Variants in PLEKHG4 observed in about 807,000 individuals in gnomAD.
PLEKHG4 encodes puratrophin-1.
PLEKHG4 carries 85 observed loss-of-function variants against 136.9 expected under a neutral mutation model. The observed-to-expected ratio is 0.62, with a 90% CI of 0.52 to 0.74. The LOEUF is 0.74. Among genes scored for constraint, PLEKHG4 ranks in the 30% least tolerant of loss-of-function variants. PLEKHG4 has a pLI of 0.00. For missense variants in PLEKHG4, 1,317 were observed against 1,527.8 expected, an observed-to-expected ratio of 0.86 and a Z score of 2.30; for synonymous variants, 577 against 646.9, an observed-to-expected ratio of 0.89 and a Z score of 1.64.
intron 11 of PLEKHG4, among the ~76,000 whole-genome samples, chr16:67,283,403 G>C (rs1182712433): frequency 6.6e-6 from 1 of 152,218 alleles, no homozygotes; most frequent in Non-Finnish European, 1.5e-5. Context: ...CATGTAATCA[G>C]ATCCATATTC....
rs1476877479 is a variant in PLEKHG4 at position 67,284,784 on chromosome 16, G to A, written c.1764G>A (p.Leu588=). The A allele has an allele frequency of 6.2e-7, 1 of 1,613,542 alleles. No homozygotes were observed. Among genetic ancestry groups the A allele is most frequent in the Non-Finnish European group, 8.5e-7 (1 of 1,179,716 alleles). The change falls in exon 13 of 22, where the codon TTG becomes TTA. Residue 588 remains leucine (L), a synonymous_variant. Transcript: ENST00000379344. The surrounding 1 kb of genome is among the most constrained non-coding windows in gnomAD (Gnocchi z 4.4). ...AGCAGGAACGCCCGGGGGTTGTGTTGCAGCAGCTGCAGCTGCACTGGACCA... is the reference window on the plus strand; with the variant it reads ...AGCAGGAACGCCCGGGGGTTGTGTTACAGCAGCTGCAGCTGCACTGGACCA... ...ELEQERPGVV[L]QQLQLHWTRH... is the part of the protein sequence containing the mutation.
Position 67,288,395 on chromosome 16 carries a change from C to T in PLEKHG4, c.3449C>T (p.Ser1150Phe), listed in dbSNP as rs1403482394. 1.9e-6 allele frequency: 3 copies of T among 1,612,138 alleles called. No homozygotes were observed. The highest frequency in any genetic ancestry group is 2.7e-5 in the African/African-American group (2 of 74,916). Residue 1150 changes from serine (S) to phenylalanine (F), a missense_variant, in exon 20 of 22, where the codon TCT becomes TTT. Coordinates refer to ENST00000379344, the MANE Select transcript of PLEKHG4 (RefSeq NM_001129729.3). ...GAGGCAGAGCTGGGCGGCCAGCCCT[C>T]TTTGAGTATGTCTGGGCCTAGCCAG... ...EAEAELGGQP[S>F]LTAEDSEISS...
chr16:67,284,547 A>T lies in PLEKHG4; in HGVS notation c.1692+90A>T. On this transcript the variant is annotated intron_variant, in intron 12 of 21. Transcript: ENST00000379344. This position sits in a 1 kb window ranked among gnomAD's most constrained non-coding sequence, Gnocchi z 4.4. ...AGCAGAGCCTGAGCTTTTCTTGGTC[A>T]TGCTGCCTGTTCTCTTCCCTGGTCT... 2.0e-6 allele frequency: 3 copies of T among 1,505,070 alleles called. No individual in the cohort carries two copies. The highest frequency in any genetic ancestry group is 2.8e-6 in the Non-Finnish European group (3 of 1,090,442). The allele number at this position is 1,505,070 out of a possible 1,614,324, so 93.2% of individuals were successfully genotyped here.
chr16:67,286,800 C>G lies in PLEKHG4; in HGVS notation c.2806C>G (p.Arg936Gly). ...QLVRQDEFVVRTGRHKSVRRI... is the reference protein window; with the variant it reads ...QLVRQDEFVVGTGRHKSVRRI... ...GGTGCGACAGGATGAGTTTGTGGTGCGCACTGGGCGCCACAAGTCCGTGCG... is the reference window on the plus strand; with the variant it reads ...GGTGCGACAGGATGAGTTTGTGGTGGGCACTGGGCGCCACAAGTCCGTGCG... Residue 936 changes from arginine to glycine, a missense_variant, in exon 17 of 22, where the codon CGC becomes GGC. By Grantham distance (125) the Arg-to-Gly change is moderately radical (BLOSUM62 -2). Coordinates refer to ENST00000379344, the MANE Select transcript of PLEKHG4 (RefSeq NM_001129729.3). 6.2e-7 allele frequency: 1 copy of G among 1,613,928 alleles called. No individual in the cohort carries two copies.
At chr16:67,279,131 T>C (rs894721961), upstream of PLEKHG4, 1 of 152,068 alleles carries the variant, frequency 6.6e-6, no homozygotes. Context: ...CGTCCCGCGG[T>C]GCCCCCCGCG....
chr16:67,279,252 C>A, upstream of PLEKHG4: 1 of 152,414 alleles, frequency 6.6e-6, no homozygotes, highest in South Asian at 2.0e-4. Flanking sequence ...GTCGCTGCCC[C>A]AACCCACGCA....
intron 19 of PLEKHG4, 28 bp from the exon 20 acceptor site, chr16:67,288,139 T>G: frequency 1.3e-6 from 2 of 1,598,308 alleles, no homozygotes; most frequent in Non-Finnish European, 1.7e-6. Context: ...CTCTGGCCTG[T>G]CCCAACCTGA....
chr16:67,282,707 G>A (rs761422015), intron 10 of PLEKHG4, 35 bp from the exon 11 acceptor site: 13 of 1,613,230 alleles, frequency 8.1e-6, no homozygotes, highest in Non-Finnish European at 1.1e-5. Flanking sequence ...GTCCATAGCA[G>A]CTCTCTTCAC....
chr16:67,282,918 T>A, intron 11 of PLEKHG4, 60 bp downstream of exon 11: 1 of 1,172,502 alleles, frequency 8.5e-7, no homozygotes, highest in Non-Finnish European at 1.3e-6. Context: ...GAACTAGGAA[T>A]GCAGAACTGT....
At chr16:67,279,298 G>A (rs1370401433), upstream of PLEKHG4, 13 of 152,472 alleles carry the variant, frequency 8.5e-5, 1 homozygote, top group South Asian at 2.2e-3. Context: ...GGTCTGCGGG[G>A]CCCGGGGGTG....
chr16:67,278,276 G>C (rs988288279), upstream of PLEKHG4: 1 of 152,374 alleles, frequency 6.6e-6, no homozygotes, highest in Non-Finnish European at 1.5e-5. Context: ...AAGGCTCCTC[G>C]GTAGCTGCCT....
At position 67,281,089 on chromosome 16, in the gene PLEKHG4, AG is replaced by A; in HGVS notation, c.720del. 1 of 1,614,066 alleles carries A rather than the reference AG, an allele frequency of 6.2e-7. No homozygotes were observed. The highest frequency in any genetic ancestry group is 1.3e-5 in the African/African-American group (1 of 75,034). ...GTACTGAACTGAAGCTCACCCCTTTAGGCCCGAAGTACAGGCACTGGGACTG... is the reference window on the plus strand; with the variant it reads ...GTACTGAACTGAAGCTCACCCCTTTAGCCCGAAGTACAGGCACTGGGACTG... On this transcript the variant is annotated splice_acceptor_variant, in intron 4 of 21. Coordinates refer to ENST00000379344, the MANE Select transcript of PLEKHG4 (RefSeq NM_001129729.3). LOFTEE classifies it high-confidence loss of function.
intron 18 of PLEKHG4, 86 bp from the exon 19 acceptor site, chr16:67,287,812 C>T: frequency 3.5e-6 from 3 of 868,952 alleles, no homozygotes; most frequent in Admixed American, 1.7e-5. Flanking sequence ...TGGAGGTGTA[C>T]AGGAAAGACT....
Position 67,287,713 on chromosome 16 carries a change from G to T in PLEKHG4, c.3104-185G>T. ...CAGCCAGGGGCCTCATCTTTAAAAG[G>T]GGAATATGGCACCTGCCCCACAGGA... On this transcript the variant is annotated intron_variant, in intron 18 of 21. Transcript: ENST00000379344. 4 of 661,726 alleles carry T rather than the reference G, an allele frequency of 6.0e-6. No individual in the cohort carries two copies. In the South Asian group the frequency reaches 6.7e-5, roughly 11 times the overall value. The allele number at this position is 661,726 out of a possible 1,614,324, so 41.0% of individuals were successfully genotyped here. A position where few individuals can be genotyped will look rare whatever the true frequency, so the allele number is the denominator to read the frequency against.
chr16:67,281,908 GC>G, intron 7 of PLEKHG4, 71 bp downstream of exon 7: 1 of 1,544,430 alleles, frequency 6.5e-7, no homozygotes, highest in Middle Eastern at 1.8e-4. Context: ...CCTCTCTGGG[GC>G]TGGCTTGAAC....
intron 5 of PLEKHG4, 80 bp from the exon 6 acceptor site, chr16:67,281,487 G>C: frequency 8.2e-7 from 1 of 1,221,800 alleles, no homozygotes; most frequent in African/African-American, 1.5e-5. Flanking sequence ...TCGCCTCCCA[G>C]AGTGCCGCAA....
In PLEKHG4 at chr16:67,285,391, A is replaced by C; in HGVS notation, c.2297A>C (p.Asp766Ala). ...TATTTCCCCGAGCTGGATCGCCCCG[A>C]TGTGCCCCAGGGCCTCCGCGGTCAG... ...ENYFPELDRP[D>A]VPQGLRGQRA... Residue 766 changes from aspartate (D) to alanine (A), a missense_variant, in exon 14 of 22, where the codon GAT becomes GCT. Asp to Ala is a moderately radical substitution (Grantham distance 126). Transcript: ENST00000379344. The C allele has an allele frequency of 6.2e-7, 1 of 1,614,196 alleles. No individual in the cohort carries two copies. The highest frequency in any genetic ancestry group is 1.7e-5 in the Admixed American group (1 of 60,020).
rs1254381158 is a variant in PLEKHG4 at position 67,289,158 on chromosome 16, C to T, written c.*350C>T. The stretch of plus-strand genomic sequence containing the variant: ...GTGCCTCTAGGCAGTGACTAGGGTG[C>T]CCCCACCCCTCAGGAAGAACACAGG... On this transcript the variant is annotated 3_prime_UTR_variant, in exon 22 of 22. Transcript: ENST00000379344. The T allele has an allele frequency of 4.3e-6, 2 of 469,634 alleles. No homozygotes were observed. The highest frequency in any genetic ancestry group is 7.8e-6 in the Non-Finnish European group (2 of 256,272). 29.1% of individuals were successfully genotyped at this position (469,634 alleles called of 1,614,324 possible).
Position 67,289,056 on chromosome 16 carries a change from C to G in PLEKHG4, c.*248C>G. 2 of 615,410 alleles carry G rather than the reference C, an allele frequency of 3.2e-6. No homozygotes were observed. Among genetic ancestry groups the G allele is most frequent in the Non-Finnish European group, 5.9e-6 (2 of 340,146 alleles). 38.1% of individuals were successfully genotyped at this position (615,410 alleles called of 1,614,324 possible). ...ATGACCCCTTCTCCTGTCCCCAGCT[C>G]CCATCCCAGTTGTGGGTTAAGAATA... is the stretch of plus-strand genomic sequence containing the variant. On this transcript the variant is annotated 3_prime_UTR_variant, in exon 22 of 22. Coordinates refer to ENST00000379344, the MANE Select transcript of PLEKHG4 (RefSeq NM_001129729.3).
Sources: allele counts gnomAD v4.1 joint callset (sites outside exome capture counted in the v4.1 genomes callset), GRCh38; gene constraint gnomAD v4.1.1; non-coding constraint Gnocchi (gnomAD v3.1); transcripts MANE v1.5; gene names NCBI Gene and HGNC (gene_info 2026-07-23, HGNC 2026-07-21).